Variants in MGST1 observed in about 807,000 individuals in gnomAD.
MGST1 encodes microsomal glutathione S-transferase 1, also known as glutathione S-transferase 12.
Under a neutral mutation model 8.9 loss-of-function variants are expected in MGST1, and 5 were observed. The observed-to-expected ratio is 0.56, with a 90% CI of 0.29 to 1.19. The LOEUF is 1.19. Among genes scored for constraint, MGST1 ranks in the 50% most tolerant of loss-of-function variants. MGST1 has a pLI of 0.08. For missense variants in MGST1, 182 were observed against 187.4 expected (o/e 0.97, Z 0.17); for synonymous variants, 54 against 67.8 (o/e 0.80, Z 1.00).
intron 4 of MGST1, among the ~76,000 whole-genome samples, chr12:16,541,680 T>C (rs1941794318): frequency 6.6e-6 from 1 of 152,172 alleles, no homozygotes; most frequent in South Asian, 2.1e-4. Context: ...TCTCTTTTTT[T>C]TCAAGGATTA....
chr12:16,583,343 G>A (rs947410525), intron 4 of MGST1, among the ~76,000 whole-genome samples: 1 of 152,054 alleles, frequency 6.6e-6, no homozygotes, highest in Non-Finnish European at 1.5e-5. Context: ...TAGGGGAATT[G>A]ATAACAGTAA....
At chr12:16,414,075 A>G (rs1670190674) in intron 1 of MGST1, among the ~76,000 whole-genome samples, 1 of 151,364 alleles carries the variant, frequency 6.6e-6, no homozygotes, top group African/African-American at 2.4e-5. Context: ...AAAAAAAAAT[A>G]ATAATAATAA....
At chr12:16,367,025 A>G (rs1465729790), downstream of MGST1, among the ~76,000 whole-genome samples, 1 of 152,208 alleles carries the variant, frequency 6.6e-6, no homozygotes, top group Non-Finnish European at 1.5e-5. Flanking sequence ...TTGTATTTTT[A>G]TATAATACTA....
intron 4 of MGST1, among the ~76,000 whole-genome samples, chr12:16,518,765 C>T (rs995556703): frequency 1.1e-4 from 17 of 152,252 alleles, no homozygotes; most frequent in African/African-American, 3.6e-4. Context: ...CAAAAAGACC[C>T]TGATTTTTAG....
At chr12:16,391,793 G>T (rs1331544874) in intron 1 of MGST1, among the ~76,000 whole-genome samples, 1 of 152,082 alleles carries the variant, frequency 6.6e-6, no homozygotes, top group Non-Finnish European at 1.5e-5. Context: ...ATTGCTTTTG[G>T]CATCTTCATC....
At chr12:16,453,832 ACAT>A (rs1472284939) in intron 4 of MGST1, among the ~76,000 whole-genome samples, 2 of 151,882 alleles carry the variant, frequency 1.3e-5, no homozygotes, top group Admixed American at 6.6e-5. Flanking sequence ...CCTTATAAGG[ACAT>A]CAGTCATAGT....
intron 1 of MGST1, chr12:16,399,170 C>G: frequency 1.7e-6 from 2 of 1,202,412 alleles, no homozygotes; most frequent in South Asian, 2.9e-5. Context: ...ACACAAATGG[C>G]AAAACTTCAA....
At chr12:16,478,087 T>G (rs1941335510) in intron 4 of MGST1, among the ~76,000 whole-genome samples, 1 of 152,238 alleles carries the variant, frequency 6.6e-6, no homozygotes, top group Admixed American at 6.5e-5. Flanking sequence ...TGGACTGCAG[T>G]GGCACGATCT....
chr12:16,446,181 G>A, intron 4 of MGST1, among the ~76,000 whole-genome samples: 1 of 151,934 alleles, frequency 6.6e-6, no homozygotes, highest in Non-Finnish European at 1.5e-5. Flanking sequence ...TCGAATTAGT[G>A]CCCATGTCCA....
In MGST1 at chr12:16,548,398, CAT is replaced by C. The variant is rs905772540; in HGVS notation, n.483-41128_483-41127del. On this transcript the variant is annotated intron_variant and non_coding_transcript_variant, in intron 4 of 4. Coordinates refer to the MGST1 transcript ENST00000538857. This position sits in a 1 kb window ranked among gnomAD's most constrained non-coding sequence, Gnocchi z 4.2. ...AGTGTAACACCCCTTTTATTAAAAA[CAT>C]AAATCCAAATGTAAAAAAGTGAATG... 4.6e-5 allele frequency: 7 copies of C among 151,996 alleles called. No homozygotes were observed. Among genetic ancestry groups the C allele is most frequent in the African/African-American group, 1.7e-4 (7 of 41,370 alleles). The allele number at this position is 151,996 out of a possible 1,614,324, so 9.4% of individuals were successfully genotyped here.
chr12:16,513,972 C>A lies in MGST1; in HGVS notation n.483-75556C>A. ...TTGACTTCACAGACACTGTGGAGGA[C>A]ATTTCAAAAACACCAGAGCAAAGTC... is the stretch of plus-strand genomic sequence containing the variant. On this transcript the variant is annotated intron_variant and non_coding_transcript_variant, in intron 4 of 4. Transcript: ENST00000538857. The surrounding 1 kb of genome is among the most constrained non-coding windows in gnomAD (Gnocchi z 4.2). 1 of 481,158 alleles carries A rather than the reference C, an allele frequency of 2.1e-6. No homozygotes were observed. The highest frequency in any genetic ancestry group is 4.1e-6 in the Non-Finnish European group (1 of 246,650). The allele number at this position is 481,158 out of a possible 1,614,324, so 29.8% of individuals were successfully genotyped here.
At position 16,559,409 on chromosome 12, in the gene MGST1, C is replaced by CT. The variant is rs1445981715; in HGVS notation, n.483-30119_483-30118insT. Among the ~76,000 whole-genome samples, 1 of 152,064 alleles carries CT rather than the reference C, an allele frequency of 6.6e-6. No individual in the cohort carries two copies. Among genetic ancestry groups the CT allele is most frequent in the African/African-American group, 2.4e-5 (1 of 41,378 alleles). ...TCTCTGAGATGAACTAATCCAGCTTCATATGTTACAAATGAAAAACCTGAG... is the reference window on the plus strand; with the variant it reads ...TCTCTGAGATGAACTAATCCAGCTTCTATATGTTACAAATGAAAAACCTGAG... On this transcript the variant is annotated intron_variant and non_coding_transcript_variant, in intron 4 of 4. Transcript: ENST00000538857. This position sits in a 1 kb window ranked among gnomAD's most constrained non-coding sequence, Gnocchi z 4.1.
At position 16,548,339 on chromosome 12, in the gene MGST1, C is replaced by T. The variant is rs1198181579; in HGVS notation, n.483-41189C>T. On this transcript the variant is annotated intron_variant and non_coding_transcript_variant, in intron 4 of 4. Coordinates refer to the MGST1 transcript ENST00000538857. The surrounding 1 kb of genome is among the most constrained non-coding windows in gnomAD (Gnocchi z 4.2). ...GACTTAACATATGCTTTCTAGAGATCATCTTAAATTTTGCCAATTAAGTGC... is the reference window on the plus strand; with the variant it reads ...GACTTAACATATGCTTTCTAGAGATTATCTTAAATTTTGCCAATTAAGTGC... 1 of 151,918 alleles carries T rather than the reference C, an allele frequency of 6.6e-6. No homozygotes were observed. The highest frequency in any genetic ancestry group is 1.9e-4 in the East Asian group (1 of 5,184). The allele number at this position is 151,918 out of a possible 1,614,324, so 9.4% of individuals were successfully genotyped here.
chr12:16,457,587 T>C (rs540914597), intron 4 of MGST1, among the ~76,000 whole-genome samples: 2 of 152,124 alleles, frequency 1.3e-5, no homozygotes, highest in African/African-American at 4.8e-5. Context: ...CCATCTATTA[T>C]TATATTGGCA....
At position 16,458,862 on chromosome 12, in the gene MGST1, G is replaced by T. The variant is rs149104043; in HGVS notation, n.482+75258G>T. Among the ~76,000 whole-genome samples the T allele has an allele frequency of 6.6e-6, 1 of 152,138 alleles. No homozygotes were observed. Among genetic ancestry groups the T allele is most frequent in the Non-Finnish European group, 1.5e-5 (1 of 67,960 alleles). ...ACATCTTGAAGTCTCCATGTTCAGTGATAAGTAGTGGCTTGTTAGGAAAGC... is the reference window on the plus strand; with the variant it reads ...ACATCTTGAAGTCTCCATGTTCAGTTATAAGTAGTGGCTTGTTAGGAAAGC... On this transcript the variant is annotated intron_variant and non_coding_transcript_variant, in intron 4 of 4. Coordinates refer to the MGST1 transcript ENST00000538857. This position sits in a 1 kb window ranked among gnomAD's most constrained non-coding sequence, Gnocchi z 4.0.
chr12:16,351,692 C>A (rs1939472987), intron 1 of MGST1, among the ~76,000 whole-genome samples: 1 of 152,034 alleles, frequency 6.6e-6, no homozygotes, highest in African/African-American at 2.4e-5. Flanking sequence ...CACCTGTAAT[C>A]CCAGCTACTC....
intron 1 of MGST1, among the ~76,000 whole-genome samples, chr12:16,395,190 G>A (rs1270284231): frequency 1.3e-5 from 2 of 151,614 alleles, no homozygotes; most frequent in East Asian, 1.9e-4. Flanking sequence ...TGCTGGGGAA[G>A]GATTTTTTAT....
intron 4 of MGST1, among the ~76,000 whole-genome samples, chr12:16,466,420 G>A (rs1591737639): frequency 6.6e-6 from 1 of 152,148 alleles, no homozygotes; most frequent in African/African-American, 2.4e-5. Context: ...AAGCTTGATA[G>A]GACACTTTAA....
chr12:16,509,182 C>T (rs532553230), intron 4 of MGST1, among the ~76,000 whole-genome samples: 1 of 151,994 alleles, frequency 6.6e-6, no homozygotes, highest in South Asian at 2.1e-4. Flanking sequence ...ATAATATTGC[C>T]AGTTTTTTTA....
Sources: allele counts gnomAD v4.1 joint callset (sites outside exome capture counted in the v4.1 genomes callset), GRCh38; gene constraint gnomAD v4.1.1; non-coding constraint Gnocchi (gnomAD v3.1); transcripts MANE v1.5; gene names NCBI Gene and HGNC (gene_info 2026-07-23, HGNC 2026-07-21).